Variants in CCDC18 observed in about 807,000 individuals in gnomAD.
The protein encoded by CCDC18 is coiled-coil domain-containing protein 18.
CCDC18 carries 157 observed loss-of-function variants against 196.0 expected under a neutral mutation model. That is an observed-to-expected ratio of 0.80 (90% CI 0.70 to 0.91). CCDC18 has a LOEUF of 0.91. Ranked by LOEUF, CCDC18 falls within the 40% of genes least tolerant of loss-of-function variation. The pLI is 0.00. For synonymous variants in CCDC18, 482 were observed against 529.2 expected, an observed-to-expected ratio of 0.91 and a Z score of 1.22; for missense variants, 1,465 against 1,611.6, an observed-to-expected ratio of 0.91 and a Z score of 1.56.
intron 21 of CCDC18, among the ~76,000 whole-genome samples, chr1:93,242,791 A>G (rs1006736594): frequency 2.6e-5 from 4 of 152,248 alleles, no homozygotes; most frequent in Non-Finnish European, 5.9e-5. Flanking sequence ...TACAGGCCCC[A>G]TGCAAGTCTG....
Position 93,201,994 on chromosome 1 carries a change from A to G in CCDC18, c.795+6A>G. 1 of 1,571,914 alleles carries G rather than the reference A, an allele frequency of 6.4e-7. No homozygotes were observed. Among genetic ancestry groups the G allele is most frequent in the Admixed American group, 1.7e-5 (1 of 58,020 alleles). On this transcript the variant is annotated splice_donor_region_variant and intron_variant, in intron 7 of 28. Transcript: ENST00000690025. Reference sequence around the variant, plus strand: ...TGGCTGAAAAACTGGAAAAGGTAAAAGGCAGTTGTGCAAATTCAGTGTTTT... The same window carrying G: ...TGGCTGAAAAACTGGAAAAGGTAAAGGGCAGTTGTGCAAATTCAGTGTTTT...
chr1:93,182,693 A>G (rs750736937), intron 1 of CCDC18, among the ~76,000 whole-genome samples: 34 of 152,162 alleles, frequency 2.2e-4, no homozygotes, highest in Admixed American at 1.8e-3. Context: ...CTTCATTTCT[A>G]TGAGTTGACC....
intron 7 of CCDC18, 103 bp downstream of exon 7, chr1:93,202,091 AT>A: frequency 3.6e-6 from 2 of 556,496 alleles, no homozygotes; most frequent in Non-Finnish European, 6.1e-6. Context: ...ACAGAGAGTA[AT>A]TTTTATGATC....
At chr1:93,215,359 G>C (rs562474887) in intron 12 of CCDC18, among the ~76,000 whole-genome samples, 1 of 152,050 alleles carries the variant, frequency 6.6e-6, no homozygotes, top group East Asian at 1.9e-4. Context: ...AAACCACCTA[G>C]GAAGCCTGTT....
At chr1:93,268,535 C>G (rs1664834503) in intron 27 of CCDC18, among the ~76,000 whole-genome samples, 1 of 151,836 alleles carries the variant, frequency 6.6e-6, no homozygotes, top group Non-Finnish European at 1.5e-5. Context: ...ACTCATCTGA[C>G]AAAGGGCTAA....
chr1:93,238,513 CCTA>C (rs1660347204), intron 19 of CCDC18, among the ~76,000 whole-genome samples: 1 of 147,454 alleles, frequency 6.8e-6, no homozygotes, highest in Admixed American at 6.7e-5. Context: ...AAGAAATGCT[CCTA>C]CTTGCAAACT....
At chr1:93,242,714 G>GT (rs1420064760) in intron 21 of CCDC18, among the ~76,000 whole-genome samples, 1 of 152,226 alleles carries the variant, frequency 6.6e-6, no homozygotes, top group Non-Finnish European at 1.5e-5. Context: ...CCTAGATACA[G>GT]TGGGGGTACA....
chr1:93,265,606 A>G (rs1664391348), intron 27 of CCDC18, among the ~76,000 whole-genome samples: 1 of 152,216 alleles, frequency 6.6e-6, no homozygotes, highest in Non-Finnish European at 1.5e-5. Flanking sequence ...GATTTTAAGA[A>G]TGTGAATGTA....
rs1285131155 is a variant in CCDC18 at position 93,221,939 on chromosome 1, T to C, written c.2175+3T>C. On this transcript the variant is annotated splice_donor_region_variant and intron_variant, in intron 16 of 28. Coordinates refer to ENST00000690025, the MANE Select transcript of CCDC18 (RefSeq NM_001378204.1). ...AAGTATCTGAAGAAACAATCAAGGC[T>C]AGTATGCTAATACTTTATTTTTCTT... The C allele has an allele frequency of 3.2e-6, 5 of 1,543,188 alleles. No homozygotes were observed. Among genetic ancestry groups the C allele is most frequent in the African/African-American group, 2.8e-5 (2 of 71,514 alleles).
intron 4 of CCDC18, among the ~76,000 whole-genome samples, chr1:93,189,320 G>A (rs535312042): frequency 1.6e-3 from 237 of 152,216 alleles, no homozygotes; most frequent in Non-Finnish European, 3.0e-3. Context: ...TCTTCTTTAT[G>A]GATGAATAGT....
At chr1:93,180,980 T>A in intron 1 of CCDC18, 128 bp downstream of exon 1, 1 of 921,200 alleles carries the variant, frequency 1.1e-6, no homozygotes, top group Non-Finnish European at 1.5e-6. Flanking sequence ...CTGGTCCTCG[T>A]GGTTGCTGAG....
intron 28 of CCDC18, among the ~76,000 whole-genome samples, chr1:93,273,963 G>A (rs551034355): frequency 6.6e-6 from 1 of 152,122 alleles, no homozygotes; most frequent in African/African-American, 2.4e-5. Flanking sequence ...CTACTGTAGT[G>A]GGTACTATTA....
intron 28 of CCDC18, among the ~76,000 whole-genome samples, chr1:93,275,282 A>G (rs1665564872): frequency 6.6e-6 from 1 of 151,842 alleles, no homozygotes; most frequent in South Asian, 2.1e-4. Flanking sequence ...TAATTTTTGC[A>G]TTTTTTAGTA....
chr1:93,187,580 A>G lies in CCDC18; in HGVS notation c.462+1077A>G, dbSNP rs1213531336. Reference sequence around the variant, plus strand: ...ATTTACTTTTATAAACATTGTATACATACATTATATGTAGTTTTAAATAGA... The same window carrying G: ...ATTTACTTTTATAAACATTGTATACGTACATTATATGTAGTTTTAAATAGA... On this transcript the variant is annotated intron_variant, in intron 4 of 28. Transcript: ENST00000690025. 2.0e-5 allele frequency among the ~76,000 whole-genome samples: 3 copies of G among 152,126 alleles called. No individual in the cohort carries two copies. The East Asian group carries it at 5.8e-4, about 29-fold the overall frequency.
At chr1:93,257,813 A>C (rs1265865885) in intron 25 of CCDC18, among the ~76,000 whole-genome samples, 2 of 152,102 alleles carry the variant, frequency 1.3e-5, no homozygotes, top group African/African-American at 2.4e-5. Context: ...TAAAGTTAGG[A>C]ATTTTTTAAT....
chr1:93,259,855 A>G (rs961132383), intron 26 of CCDC18, among the ~76,000 whole-genome samples: 1 of 152,210 alleles, frequency 6.6e-6, no homozygotes, highest in Non-Finnish European at 1.5e-5. Context: ...TTAACTACTC[A>G]TTACACTTTC....
intron 16 of CCDC18, among the ~76,000 whole-genome samples, chr1:93,225,711 A>G (rs918149814): frequency 6.6e-6 from 1 of 151,654 alleles, no homozygotes; most frequent in Non-Finnish European, 1.5e-5. Flanking sequence ...TGGGAGGTAG[A>G]GGTTGCAGTG....
intron 28 of CCDC18, among the ~76,000 whole-genome samples, chr1:93,276,597 GA>G (rs1023197250): frequency 7.7e-4 from 115 of 150,170 alleles, no homozygotes; most frequent in Middle Eastern, 3.5e-3. Flanking sequence ...AAACAAAGAT[GA>G]AAAAAAAATG....
Position 93,183,123 on chromosome 1 carries a change from C to G in CCDC18, c.-2-237C>G, listed in dbSNP as rs1478866817. Among the ~76,000 whole-genome samples, 3 of 152,172 alleles carry G rather than the reference C, an allele frequency of 2.0e-5. No individual in the cohort carries two copies. The South Asian group carries it at 6.2e-4, about 32-fold the overall frequency. The stretch of plus-strand genomic sequence containing the variant: ...TGCTTACAAAAGAGAACTATAATAA[C>G]TAGACCCTGGCTAAAATGAAAAATT... On this transcript the variant is annotated intron_variant, in intron 1 of 28. Transcript: ENST00000690025.
Sources: gnomAD v4.1 joint callset for allele counts (sites outside exome capture counted in the v4.1 genomes callset) on GRCh38, gnomAD v4.1.1 for gene constraint, MANE v1.5 for transcripts, NCBI Gene and HGNC (gene_info 2026-07-23, HGNC 2026-07-21) for gene names.